The following NUBPL variants were observed in gnomAD, a reference collection of about 807,000 sequenced individuals.
NUBPL encodes the protein iron-sulfur cluster transfer protein NUBPL.
NUBPL carries 31 observed loss-of-function variants against 45.7 expected under a neutral mutation model. The observed-to-expected ratio is 0.68, with a 90% CI of 0.51 to 0.92. NUBPL has a LOEUF of 0.92. Ranked by LOEUF, NUBPL falls within the 40% of genes least tolerant of loss-of-function variation. The pLI is 0.00. For missense variants in NUBPL, 401 were observed against 398.7 expected, an observed-to-expected ratio of 1.01 and a Z score of -0.05; for synonymous variants, 144 against 140.9, an observed-to-expected ratio of 1.02 and a Z score of -0.15.
intron 8 of NUBPL, chr14:31,844,115 A>G (rs1025925402): frequency 1.3e-5 from 2 of 152,202 alleles, no homozygotes; most frequent in African/African-American, 4.8e-5. Context: ...GTCCATAGAG[A>G]ATGATGTGAT....
At chr14:31,655,548 A>G (rs2036121342) in intron 4 of NUBPL, among the ~76,000 whole-genome samples, 1 of 152,168 alleles carries the variant, frequency 6.6e-6, no homozygotes, top group Non-Finnish European at 1.5e-5. Flanking sequence ...CCCCGTCTCT[A>G]CTGAAAATAC....
At chr14:31,636,055 C>T (rs1427479260) in intron 4 of NUBPL, among the ~76,000 whole-genome samples, 1 of 151,388 alleles carries the variant, frequency 6.6e-6, no homozygotes, top group Admixed American at 6.6e-5. Flanking sequence ...ATTTGACTTC[C>T]TCTTTTCCTA....
intron 7 of NUBPL, among the ~76,000 whole-genome samples, chr14:31,823,506 C>T (rs1273262025): frequency 6.6e-6 from 1 of 152,010 alleles, no homozygotes; most frequent in African/African-American, 2.4e-5. Context: ...CAAGGAGATT[C>T]CTCTGCTTAT....
intron 6 of NUBPL, among the ~76,000 whole-genome samples, chr14:31,694,887 G>C (rs900624582): frequency 3.9e-5 from 6 of 152,228 alleles, no homozygotes; most frequent in Non-Finnish European, 7.3e-5. Context: ...AGTTGTATAA[G>C]ACATAGATCC....
chr14:31,768,776 T>G (rs7156861), intron 6 of NUBPL, among the ~76,000 whole-genome samples: 150,211 of 152,262 alleles, frequency 0.99, 74,123 homozygotes, highest in Middle Eastern at 1. Context: ...AAAACACCCA[T>G]TGAGACTTGT....
At chr14:31,849,924 G>A (rs2040511444) in intron 9 of NUBPL, 195 bp from the exon 10 acceptor site, 1 of 614,422 alleles carries the variant, frequency 1.6e-6, no homozygotes, top group East Asian at 2.8e-5. Context: ...TACAATCACT[G>A]TACTACTCTA....
At chr14:31,571,879 A>G (rs1328239041) in intron 3 of NUBPL, among the ~76,000 whole-genome samples, 1 of 152,212 alleles carries the variant, frequency 6.6e-6, no homozygotes, top group Non-Finnish European at 1.5e-5. Flanking sequence ...TTATGTGTCA[A>G]GCACTGTTAT....
intron 4 of NUBPL, among the ~76,000 whole-genome samples, chr14:31,617,043 T>G (rs1287491051): frequency 6.6e-6 from 1 of 152,208 alleles, no homozygotes; most frequent in Admixed American, 6.5e-5. Flanking sequence ...CAATTGTGAA[T>G]GGGAGCTCAC....
intron 4 of NUBPL, among the ~76,000 whole-genome samples, chr14:31,620,034 A>G (rs2035018027): frequency 1.3e-5 from 2 of 151,658 alleles, no homozygotes; most frequent in Non-Finnish European, 2.9e-5. Context: ...CATTGAGTTG[A>G]TCTTCAATCT....
chr14:31,593,401 T>C (rs187643011), intron 3 of NUBPL, among the ~76,000 whole-genome samples: 1,634 of 151,132 alleles, frequency 0.011, 23 homozygotes, highest in African/African-American at 0.038. Flanking sequence ...GTAGTCCCGG[T>C]TACTCGGGAG....
Position 31,596,031 on chromosome 14 carries a change from C to T in NUBPL, c.292-3258C>T, listed in dbSNP as rs529077008. On this transcript the variant is annotated intron_variant, in intron 3 of 10. Transcript: ENST00000281081. ...ATGCCATTCTCCTGCCTCAGCCTCC[C>T]GAGTAGCTGGGACCACAGGTGCCCG... is the stretch of plus-strand genomic sequence containing the variant. Among the ~76,000 whole-genome samples, 41 of 151,776 alleles carry T rather than the reference C, an allele frequency of 2.7e-4. No individual in the cohort carries two copies. In the South Asian group the frequency reaches 7.1e-3, roughly 26 times the overall value.
intron 4 of NUBPL, among the ~76,000 whole-genome samples, chr14:31,669,506 G>C (rs1044705234): frequency 6.6e-6 from 1 of 151,092 alleles, no homozygotes. Context: ...TACATATGAA[G>C]GTTTGTTACT....
intron 3 of NUBPL, among the ~76,000 whole-genome samples, chr14:31,572,769 TGCGTAGA>T (rs1288921939): frequency 1.3e-5 from 2 of 152,144 alleles, no homozygotes; most frequent in African/African-American, 2.4e-5. Context: ...TTGTATGAAC[TGCGTAGA>T]GTGTACTTAA....
At chr14:31,701,352 T>C (rs1304480211) in intron 6 of NUBPL, among the ~76,000 whole-genome samples, 25 of 152,150 alleles carry the variant, frequency 1.6e-4, no homozygotes, top group Admixed American at 1.6e-3. Flanking sequence ...AACGCACCAG[T>C]CAGCACCCTG....
chr14:31,833,589 A>G (rs2040227260), intron 8 of NUBPL, among the ~76,000 whole-genome samples: 2 of 152,232 alleles, frequency 1.3e-5, no homozygotes, highest in African/African-American at 4.8e-5. Context: ...TGATACAAAT[A>G]CAATGGCAGT....
intron 4 of NUBPL, among the ~76,000 whole-genome samples, chr14:31,668,985 G>T (rs2036505619): frequency 1.3e-5 from 2 of 152,024 alleles, no homozygotes; most frequent in Admixed American, 6.6e-5. Context: ...GTTCCTATTT[G>T]CCCATCTTGC....
chr14:31,802,600 T>C (rs1414947125), intron 7 of NUBPL, among the ~76,000 whole-genome samples: 2 of 152,184 alleles, frequency 1.3e-5, no homozygotes, highest in Non-Finnish European at 2.9e-5. Flanking sequence ...CACAATGTCA[T>C]GACGTAGTGG....
intron 4 of NUBPL, among the ~76,000 whole-genome samples, chr14:31,607,431 C>A (rs552429314): frequency 9.3e-5 from 14 of 150,238 alleles, no homozygotes; most frequent in East Asian, 7.8e-4. Context: ...CGGTATGTGA[C>A]CTTTCAGACA....
intron 4 of NUBPL, among the ~76,000 whole-genome samples, chr14:31,610,608 C>CAAAAAAAAAAAAAAAAAAAAAAAAA (rs775656176): frequency 4.2e-5 from 4 of 94,706 alleles, no homozygotes; most frequent in African/African-American, 4.4e-5. Flanking sequence ...AAAGATACAT[C>CAAAAAAAAAAAAAAAAAAAAAAAAA]AAAAAAAAAA....
Sources: gnomAD v4.1 joint callset for allele counts (sites outside exome capture counted in the v4.1 genomes callset) on GRCh38, gnomAD v4.1.1 for gene constraint, MANE v1.5 for transcripts, NCBI Gene and HGNC (gene_info 2026-07-23, HGNC 2026-07-21) for gene names.